CES2: variants seen among roughly 807,000 people sequenced by gnomAD.
CES2 encodes the protein carboxylesterase 2, also known as cocaine esterase.
CES2 carries 42 observed loss-of-function variants against 52.1 expected under a neutral mutation model. The ratio of observed to expected loss-of-function variants is 0.81; its 90% CI spans 0.63 to 1.04. CES2 has a LOEUF of 1.04. Ranked by LOEUF, CES2 falls within the 50% of genes least tolerant of loss-of-function variation. The pLI, the probability that CES2 is intolerant of heterozygous loss-of-function variation, is 0.00. For synonymous variants in CES2, 277 were observed against 289.6 expected (o/e 0.96, Z 0.44); for missense variants, 656 against 724.3 (o/e 0.91, Z 1.08).
At chr16:66,938,770 G>C (rs754155766) in intron 2 of CES2, among the ~76,000 whole-genome samples, 1 of 152,200 alleles carries the variant, frequency 6.6e-6, no homozygotes, top group Non-Finnish European at 1.5e-5. Context: ...ATGTAGGAAT[G>C]ATGAGTTTTT....
rs1441543367 is a variant in CES2 at position 66,941,608 on chromosome 16, G to A, written c.1018G>A (p.Gly340Ser). ...ADFQPVPSIV[G>S]VNNNEFGWLI... is the part of the protein sequence containing the mutation. ...CTTTCAGCCTGTCCCTAGCATTGTT[G>A]GTGTCAACAACAATGAATTCGGCTG... Residue 340 changes from glycine to serine, a missense_variant, in exon 7 of 12, where the codon GGT becomes AGT. By Grantham distance (56) the Gly-to-Ser change is moderately conservative. Transcript: ENST00000317091. The A allele has an allele frequency of 6.2e-7, 1 of 1,614,076 alleles. No homozygotes were observed. Among genetic ancestry groups the A allele is most frequent in the African/African-American group, 1.3e-5 (1 of 74,996 alleles).
rs778706860 is a variant in CES2, at chr16:66,935,618, G to C, written c.-18G>C. 1.2e-6 allele frequency: 2 copies of C among 1,607,836 alleles called. No individual in the cohort carries two copies. The highest frequency in any genetic ancestry group is 1.1e-5 in the South Asian group (1 of 91,078). On this transcript the variant is annotated 5_prime_UTR_variant, in exon 1 of 12. Coordinates refer to ENST00000317091, the MANE Select transcript of CES2 (RefSeq NM_001365405.1). ...GCAGCGTGTCCGCCGGCAGCGAACCGAGACCAGCGAGCCGACCATGCGGCT... is the reference window on the plus strand; with the variant it reads ...GCAGCGTGTCCGCCGGCAGCGAACCCAGACCAGCGAGCCGACCATGCGGCT...
At chr16:66,936,790 G>C (rs1467581163) in intron 1 of CES2, among the ~76,000 whole-genome samples, 2 of 152,232 alleles carry the variant, frequency 1.3e-5, no homozygotes, top group East Asian at 1.9e-4. Flanking sequence ...ATGGTGCACT[G>C]CTGCAGGGCT....
chr16:66,943,540 T>A lies in CES2; in HGVS notation c.1493+169T>A. On this transcript the variant is annotated intron_variant, in intron 11 of 11. Transcript: ENST00000317091. This position sits in a 1 kb window ranked among gnomAD's most constrained non-coding sequence, Gnocchi z 4.2. ...GACAGGGTGGGGGTGCGTGGGGCAG[T>A]GGACACGCTCTATCTCTCCAGTCTA... The A allele has an allele frequency of 1.5e-6, 1 of 679,026 alleles. No individual in the cohort carries two copies. The highest frequency in any genetic ancestry group is 2.5e-6 in the Non-Finnish European group (1 of 396,198). 42.1% of individuals were successfully genotyped at this position (679,026 alleles called of 1,614,324 possible). A position where few individuals can be genotyped will look rare whatever the true frequency, so the allele number is the denominator to read the frequency against.
chr16:66,941,455 G>A (rs766888397), intron 6 of CES2, 51 bp from the exon 7 acceptor site: 67 of 1,602,278 alleles, frequency 4.2e-5, no homozygotes, highest in Admixed American at 1.7e-4. Context: ...AGAGGGCATC[G>A]GAAGATGTCT....
intron 8 of CES2, 126 bp downstream of exon 8, chr16:66,941,974 G>A: frequency 1.3e-6 from 2 of 1,518,590 alleles, no homozygotes; most frequent in Non-Finnish European, 1.8e-6. Context: ...GGGTGTGTGT[G>A]TTTAGGGGTG....
In CES2 at chr16:66,943,197, G is replaced by A; in HGVS notation, c.1421-102G>A. On this transcript the variant is annotated intron_variant, in intron 10 of 11. Coordinates refer to ENST00000317091, the MANE Select transcript of CES2 (RefSeq NM_001365405.1). The surrounding 1 kb of genome is among the most constrained non-coding windows in gnomAD (Gnocchi z 4.2). ...GGGCAGTGGAAGAAAAAGCGGAGAA[G>A]CAGGACTGGGGACCGAGGTCTCGGG... 3 of 1,181,828 alleles carry A rather than the reference G, an allele frequency of 2.5e-6. No individual in the cohort carries two copies. The highest frequency in any genetic ancestry group is 3.7e-6 in the Non-Finnish European group (3 of 820,874). The allele number at this position is 1,181,828 out of a possible 1,614,324, so 73.2% of individuals were successfully genotyped here.
chr16:66,942,236 A>G lies in CES2; in HGVS notation c.1269A>G (p.Val423=). Residue 423 remains valine (V), a synonymous_variant, in exon 9 of 12, where the codon GTA becomes GTG. Transcript: ENST00000317091. ...TGTTTGTGATCCCTGCACTCCAAGTAGCACATTTTCAGTGTGAGTATATTT... is the reference window on the plus strand; with the variant it reads ...TGTTTGTGATCCCTGCACTCCAAGTGGCACATTTTCAGTGTGAGTATATTT... ...DSMFVIPALQ[V]AHFQCSRAPV... 6.2e-7 allele frequency: 1 copy of G among 1,612,022 alleles called. No homozygotes were observed. The highest frequency in any genetic ancestry group is 8.5e-7 in the Non-Finnish European group (1 of 1,178,520).
At position 66,944,104 on chromosome 16, in the gene CES2, G is replaced by A; in HGVS notation, c.*79G>A. 1.5e-6 allele frequency: 1 copy of A among 655,716 alleles called. No individual in the cohort carries two copies. Among genetic ancestry groups the A allele is most frequent in the Non-Finnish European group, 2.4e-6 (1 of 412,274 alleles). 40.6% of individuals were successfully genotyped at this position (655,716 alleles called of 1,614,324 possible). A position where few individuals can be genotyped will look rare whatever the true frequency, so the allele number is the denominator to read the frequency against. On this transcript the variant is annotated 3_prime_UTR_variant, in exon 12 of 12. Transcript: ENST00000317091. Reference sequence around the variant, plus strand: ...GCTGTGCCCACACACACCCACTAAGGAGAAAGAAGTTGATTCCTTCATTCA... The same window carrying A: ...GCTGTGCCCACACACACCCACTAAGAAGAAAGAAGTTGATTCCTTCATTCA...
In CES2 at chr16:66,943,882, C is replaced by T; in HGVS notation, c.1537C>T (p.Gln513Ter). 1 of 1,607,890 alleles carries T rather than the reference C, an allele frequency of 6.2e-7. No individual in the cohort carries two copies. The highest frequency in any genetic ancestry group is 1.3e-5 in the African/African-American group (1 of 74,938). The change falls in exon 12 of 12, where the codon CAG (glutamine) becomes TAG (stop). Residue 513 changes from glutamine (Q) to a stop codon, truncating the protein, a stop_gained. Transcript: ENST00000317091. LOFTEE classifies it low-confidence loss of function (END_TRUNC). This position sits in a 1 kb window ranked among gnomAD's most constrained non-coding sequence, Gnocchi z 4.2. ...EGLPHWPLFD[Q>*]EEQYLQLNLQ... is the part of the protein sequence containing the mutation. Reference sequence around the variant, plus strand: ...TCTGCCACACTGGCCGCTGTTCGACCAGGAGGAGCAATACCTGCAGCTGAA... The same window carrying T: ...TCTGCCACACTGGCCGCTGTTCGACTAGGAGGAGCAATACCTGCAGCTGAA...
chr16:66,940,089 C>A, intron 3 of CES2, 133 bp from the exon 4 acceptor site: 1 of 1,263,546 alleles, frequency 7.9e-7, no homozygotes, highest in Non-Finnish European at 1.1e-6. Context: ...TAACCATTTG[C>A]CCATGTAATG....
Position 66,943,069 on chromosome 16 carries a change from A to G in CES2, c.1421-230A>G, listed in dbSNP as rs929326831. 6.6e-6 allele frequency among the ~76,000 whole-genome samples: 1 copy of G among 152,178 alleles called. No individual in the cohort carries two copies. Among genetic ancestry groups the G allele is most frequent in the African/African-American group, 2.4e-5 (1 of 41,444 alleles). On this transcript the variant is annotated intron_variant, in intron 10 of 11. Transcript: ENST00000317091. This position sits in a 1 kb window ranked among gnomAD's most constrained non-coding sequence, Gnocchi z 4.2. Reference sequence around the variant, plus strand: ...TATTTCTTCAGTGACTCCCAGAGATAGAAGGAAGAAGGGGCCTTTGGGGCC... The same window carrying G: ...TATTTCTTCAGTGACTCCCAGAGATGGAAGGAAGAAGGGGCCTTTGGGGCC...
rs780178702 is a variant in CES2, at chr16:66,942,655, G to C, written c.1290G>C (p.Arg430=). Residue 430 remains arginine (R), a synonymous_variant, in exon 10 of 12, where the codon CGG becomes CGC. Transcript: ENST00000317091. ...GGGCTGTCCACCCCACAGGTTCCCG[G>C]GCCCCTGTGTACTTCTACGAGTTCC... ...ALQVAHFQCS[R]APVYFYEFQH... 3.1e-5 allele frequency: 50 copies of C among 1,614,040 alleles called. No homozygotes were observed. The highest frequency in any genetic ancestry group is 1.7e-6 in the Non-Finnish European group (2 of 1,180,030).
chr16:66,940,980 G>T, intron 5 of CES2, 144 bp from the exon 6 acceptor site: 1 of 1,233,282 alleles, frequency 8.1e-7, no homozygotes, highest in Non-Finnish European at 1.1e-6. Flanking sequence ...TGGGACTTCT[G>T]AGTTGGAACA....
rs1384307402 is a variant in CES2, at chr16:66,938,227, C to T, written c.267C>T (p.Thr89=). ...CTTGGAGTGGTGTGAGGGATGGAAC[C>T]ACCCATCCGGCCATGTAAGCTCTCC... ...PESWSGVRDG[T]THPAMCLQDL... The change falls in exon 2 of 12, where the codon ACC becomes ACT. Residue 89 remains threonine (T), a synonymous_variant. Transcript: ENST00000317091. The T allele has an allele frequency of 6.2e-7, 1 of 1,613,024 alleles. No individual in the cohort carries two copies. Among genetic ancestry groups the T allele is most frequent in the Non-Finnish European group, 8.5e-7 (1 of 1,179,124 alleles).
chr16:66,939,395 A>T, intron 3 of CES2, 37 bp downstream of exon 3: 1 of 1,610,418 alleles, frequency 6.2e-7, no homozygotes, highest in Non-Finnish European at 8.5e-7. Context: ...GGGTTGGAGG[A>T]CAGTTCTTCT....
At position 66,944,261 on chromosome 16, in the gene CES2, A is replaced by T; in HGVS notation, c.*236A>T. On this transcript the variant is annotated 3_prime_UTR_variant, in exon 12 of 12. Coordinates refer to ENST00000317091, the MANE Select transcript of CES2 (RefSeq NM_001365405.1). ...AGATGGGAGGATGGCTTGAGGCCAG[A>T]GGTTTGAGACCGACCAGCCAGGGCA... 4 of 272,100 alleles carry T rather than the reference A, an allele frequency of 1.5e-5. No homozygotes were observed. The highest frequency in any genetic ancestry group is 1.2e-4 in the South Asian group (1 of 8,376). The allele number at this position is 272,100 out of a possible 1,614,324, so 16.9% of individuals were successfully genotyped here. A position where few individuals can be genotyped will look rare whatever the true frequency, so the allele number is the denominator to read the frequency against.
chr16:66,942,330 G>A (rs1213198879), intron 9 of CES2, 81 bp downstream of exon 9: 2 of 1,435,226 alleles, frequency 1.4e-6, no homozygotes, highest in East Asian at 2.3e-5. Flanking sequence ...CTGCTGTCCG[G>A]GTCAGCACTC....
rs931742059 is a variant in CES2, at chr16:66,938,109, G to C, written c.149G>C (p.Gly50Ala). Residue 50 changes from glycine to alanine, a missense_variant, in exon 2 of 12, where the codon GGC becomes GCC. Coordinates refer to ENST00000317091, the MANE Select transcript of CES2 (RefSeq NM_001365405.1). ...CTGGGGAGTCTTGTCCATGTGAAGG[G>C]CGCCAATGCCGGGGTCCAAACCTTC... ...QVLGSLVHVKGANAGVQTFLG... is the reference protein window; with the variant it reads ...QVLGSLVHVKAANAGVQTFLG... The C allele has an allele frequency of 6.2e-7, 1 of 1,614,166 alleles. No homozygotes were observed. Among genetic ancestry groups the C allele is most frequent in the South Asian group, 1.1e-5 (1 of 91,088 alleles).
Sources: gnomAD v4.1 joint callset for allele counts (sites outside exome capture counted in the v4.1 genomes callset) on GRCh38, gnomAD v4.1.1 for gene constraint, Gnocchi (gnomAD v3.1) non-coding constraint, MANE v1.5 for transcripts, NCBI Gene and HGNC (gene_info 2026-07-23, HGNC 2026-07-21) for gene names.